Variants in SLC26A5 observed in about 807,000 individuals in gnomAD.
The protein encoded by SLC26A5 is solute carrier family 26 member 5.
A neutral mutation model predicts 81.0 loss-of-function variants in SLC26A5; 51 were observed. The observed-to-expected ratio is 0.63, with a 90% CI of 0.50 to 0.80. The LOEUF is 0.80. Among genes scored for constraint, SLC26A5 ranks in the 30% least tolerant of loss-of-function variants. The pLI is 0.00. For synonymous variants in SLC26A5, 325 were observed against 332.8 expected (o/e 0.98, Z 0.25); for missense variants, 771 against 905.8 (o/e 0.85, Z 1.91).
At chr7:103,356,321 T>C (rs1411371293) in intron 19 of SLC26A5, among the ~76,000 whole-genome samples, 1 of 152,262 alleles carries the variant, frequency 6.6e-6, no homozygotes, top group East Asian at 1.9e-4. Flanking sequence ...TAGTGAATAT[T>C]CGTGTTAAAT....
At chr7:103,370,871 A>G (rs1166134448), downstream of SLC26A5, among the ~76,000 whole-genome samples, 1 of 152,252 alleles carries the variant, frequency 6.6e-6, no homozygotes, top group Non-Finnish European at 1.5e-5. Context: ...ACCTTCTTCA[A>G]AACAGTGCTT....
At chr7:103,363,322 T>C in intron 19 of SLC26A5, 5 of 1,575,080 alleles carry the variant, frequency 3.2e-6, no homozygotes, top group Non-Finnish European at 4.4e-6. Context: ...CTGTATGTTG[T>C]ACATTTCTGT....
chr7:103,379,402 C>T, intron 15 of SLC26A5, 67 bp from the exon 16 acceptor site: 1 of 1,032,660 alleles, frequency 9.7e-7, no homozygotes, highest in Non-Finnish European at 1.5e-6. Flanking sequence ...GCATAGCTTC[C>T]CCACCCCAAA....
chr7:103,386,910 C>A (rs368124799), intron 14 of SLC26A5, among the ~76,000 whole-genome samples: 1 of 151,966 alleles, frequency 6.6e-6, no homozygotes, highest in Non-Finnish European at 1.5e-5. Flanking sequence ...TACAGGCACT[C>A]GCCACCACAC....
Position 103,420,595 on chromosome 7 carries a change from T to A in SLC26A5, c.292+143A>T, listed in dbSNP as rs1586350807. 5.1e-6 allele frequency: 6 copies of A among 1,174,944 alleles called. No homozygotes were observed. The East Asian group carries it at 1.4e-4, about 28-fold the overall frequency. The allele number at this position is 1,174,944 out of a possible 1,614,324, so 72.8% of individuals were successfully genotyped here. ...AGATTACAGGTTTAAGGATTACATG[T>A]TTCTGAAGAATACCTTTAGATAGGT... On this transcript the variant is annotated intron_variant, in intron 4 of 19. Transcript: ENST00000306312.
intron 2 of SLC26A5, among the ~76,000 whole-genome samples, chr7:103,433,961 A>G (rs1826268504): frequency 6.6e-6 from 1 of 152,102 alleles, no homozygotes; most frequent in Non-Finnish European, 1.5e-5. Context: ...TCAGCCTCCC[A>G]AAGTGCTGGG....
chr7:103,405,837 C>A (rs1824003227), intron 8 of SLC26A5, among the ~76,000 whole-genome samples: 1 of 152,198 alleles, frequency 6.6e-6, no homozygotes, highest in East Asian at 1.9e-4. Context: ...CTATAAGCCC[C>A]TGATTGTGGC....
intron 15 of SLC26A5, 92 bp from the exon 16 acceptor site, chr7:103,379,427 A>G: frequency 1.2e-6 from 1 of 825,498 alleles, no homozygotes; most frequent in Admixed American, 2.1e-5. Flanking sequence ...AAATGAATGC[A>G]GAAGTTGCTA....
At chr7:103,377,871 A>G in intron 17 of SLC26A5, 72 bp from the exon 18 acceptor site, 1 of 1,431,286 alleles carries the variant, frequency 7.0e-7, no homozygotes, top group Non-Finnish European at 9.8e-7. Flanking sequence ...AAGATTTATA[A>G]TGGAAAATCT....
chr7:103,398,492 T>C (rs937829902), intron 8 of SLC26A5, among the ~76,000 whole-genome samples: 3 of 152,170 alleles, frequency 2.0e-5, no homozygotes, highest in Non-Finnish European at 2.9e-5. Context: ...AGTGTGGTGA[T>C]AGGGCCCCAG....
intron 2 of SLC26A5, among the ~76,000 whole-genome samples, chr7:103,438,716 T>C (rs1456405255): frequency 6.6e-6 from 1 of 152,176 alleles, no homozygotes; most frequent in African/African-American, 2.4e-5. Flanking sequence ...ATGAGTTTAC[T>C]GTGCATTTCA....
chr7:103,381,416 TACAC>T (rs766524818), intron 14 of SLC26A5, among the ~76,000 whole-genome samples: 144 of 145,398 alleles, frequency 9.9e-4, no homozygotes, highest in Admixed American at 1.6e-3. Context: ...ACACAAACAA[TACAC>T]ACACACCACA....
At chr7:103,430,398 T>C (rs1825989657) in intron 2 of SLC26A5, among the ~76,000 whole-genome samples, 1 of 152,164 alleles carries the variant, frequency 6.6e-6, no homozygotes, top group South Asian at 2.1e-4. Context: ...ACTTTAGAGC[T>C]TCATGTTTTT....
rs1038036031 is a variant in SLC26A5, at chr7:103,391,856, T to C, written c.1120-121A>G. On this transcript the variant is annotated intron_variant, in intron 10 of 19. Coordinates refer to ENST00000306312, the MANE Select transcript of SLC26A5 (RefSeq NM_198999.3). ...CCTATCTCTTCATTTTCCTTTCAGATGTAAGAATTTGTTCAGCATGAGTTC... is the reference window on the plus strand; with the variant it reads ...CCTATCTCTTCATTTTCCTTTCAGACGTAAGAATTTGTTCAGCATGAGTTC... 1.0e-5 allele frequency: 8 copies of C among 788,904 alleles called. No homozygotes were observed. The South Asian group carries it at 1.2e-4, about 12-fold the overall frequency. 48.9% of individuals were successfully genotyped at this position (788,904 alleles called of 1,614,324 possible).
At chr7:103,353,008 A>G in intron 19 of SLC26A5, 1 of 777,834 alleles carries the variant, frequency 1.3e-6, no homozygotes, top group Non-Finnish European at 2.4e-6. Context: ...AATGACCATG[A>G]AAGCACATGA....
At chr7:103,421,633 CTCT>C (rs1248466867) in intron 2 of SLC26A5, 66 bp from the exon 3 acceptor site, 1 of 1,111,158 alleles carries the variant, frequency 9.0e-7, no homozygotes. Flanking sequence ...TCCTAAGCAT[CTCT>C]TCTTTGTGGT....
intron 12 of SLC26A5, 107 bp downstream of exon 12, chr7:103,390,322 G>A (rs1164060066): frequency 3.9e-6 from 4 of 1,024,102 alleles, no homozygotes; most frequent in South Asian, 1.3e-5. Context: ...ACCATCCTGT[G>A]AGGGTTACAG....
chr7:103,413,944 G>T (rs1009474535), intron 4 of SLC26A5, among the ~76,000 whole-genome samples: 2 of 151,036 alleles, frequency 1.3e-5, no homozygotes, highest in African/African-American at 4.9e-5. Context: ...CACCAGAGTG[G>T]CACATCTGTT....
At chr7:103,355,955 C>A (rs1158072050) in intron 19 of SLC26A5, among the ~76,000 whole-genome samples, 2 of 152,096 alleles carry the variant, frequency 1.3e-5, no homozygotes, top group Non-Finnish European at 2.9e-5. Context: ...ATGCCTTAAA[C>A]AATTCTTCAA....
Sources: allele counts gnomAD v4.1 joint callset (sites outside exome capture counted in the v4.1 genomes callset), GRCh38; gene constraint gnomAD v4.1.1; transcripts MANE v1.5; gene names NCBI Gene and HGNC (gene_info 2026-07-23, HGNC 2026-07-21).